TANC2: variants seen among roughly 807,000 people sequenced by gnomAD.
TANC2 encodes protein TANC2.
TANC2 carries 26 observed loss-of-function variants against 210.5 expected under a neutral mutation model. The observed-to-expected ratio is 0.12, with a 90% CI of 0.09 to 0.17. TANC2 has a LOEUF of 0.17. Among genes scored for constraint, TANC2 ranks in the 10% least tolerant of loss-of-function variants. TANC2 has a pLI of 1.00. For synonymous variants in TANC2, 931 were observed against 967.1 expected, an observed-to-expected ratio of 0.96 and a Z score of 0.69; for missense variants, 2,129 against 2,608.9, an observed-to-expected ratio of 0.82 and a Z score of 4.01.
exon 9 of TANC2, chr17:63,267,834 C>G (rs1268551911): frequency 6.2e-7 from 1 of 1,613,086 alleles, no homozygotes; most frequent in Admixed American, 1.7e-5. Flanking sequence ...AATGCCAAGA[C>G]AGAGCATGGG....
In TANC2 at chr17:63,358,376, A is replaced by AGAGT. The variant is rs1470682571; in HGVS notation, c.2582+2987_2582+2988insAGTG. ...GTGAGAGAGAGAGAGAGAGAGAGAG[A>AGAGT]GTATGTGTGTGTGTGTGTGTGTGTG... On this transcript the variant is annotated intron_variant, in intron 14 of 27. Transcript: ENST00000689528. Among the ~76,000 whole-genome samples, 192 of 81,034 alleles carry AGAGT rather than the reference A, an allele frequency of 2.4e-3. 3 individuals carry two copies. The highest frequency in any genetic ancestry group is 6.8e-3 in the African/African-American group (185 of 27,174). 53.2% of individuals were successfully genotyped at this position (81,034 alleles called of 152,430 possible).
intron 2 of TANC2, among the ~76,000 whole-genome samples, chr17:63,017,811 A>G (rs560792288): frequency 6.6e-6 from 1 of 152,330 alleles, no homozygotes; most frequent in South Asian, 2.1e-4. Flanking sequence ...GTTTCTTATA[A>G]TTTATAGAGC....
chr17:63,116,950 A>T (rs1280050501), intron 4 of TANC2: 1 of 152,216 alleles, frequency 6.6e-6, no homozygotes, highest in African/African-American at 2.4e-5. Context: ...TTTACAGCGT[A>T]TATTCACACA....
intron 10 of TANC2, among the ~76,000 whole-genome samples, chr17:63,316,387 C>T (rs1016789437): frequency 3.3e-5 from 5 of 152,044 alleles, no homozygotes; most frequent in African/African-American, 7.2e-5. Context: ...ATCCCAAGGA[C>T]GAGAAGAGTT....
chr17:63,326,304 T>A (rs2045641713), intron 11 of TANC2, among the ~76,000 whole-genome samples: 1 of 152,206 alleles, frequency 6.6e-6, no homozygotes, highest in Non-Finnish European at 1.5e-5. Flanking sequence ...TTTAATTAAA[T>A]GGGCTGAGAC....
chr17:63,183,627 T>C (rs974994123), intron 5 of TANC2, among the ~76,000 whole-genome samples: 1 of 152,194 alleles, frequency 6.6e-6, no homozygotes, highest in African/African-American at 2.4e-5. Context: ...CATACATGCA[T>C]GTGAGAAATC....
At chr17:63,310,542 A>C (rs1356384805) in intron 9 of TANC2, among the ~76,000 whole-genome samples, 1 of 152,236 alleles carries the variant, frequency 6.6e-6, no homozygotes, top group Admixed American at 6.5e-5. Flanking sequence ...TATGAAAGGC[A>C]AAAGATTAAT....
At chr17:63,414,168 G>C (rs1186626502) in intron 25 of TANC2, 1 of 152,164 alleles carries the variant, frequency 6.6e-6, no homozygotes, top group African/African-American at 2.4e-5. Context: ...CAAGCTGAAG[G>C]CTCCATACCC....
chr17:63,400,654 T>G (rs190200329), intron 19 of TANC2, among the ~76,000 whole-genome samples: 2 of 151,912 alleles, frequency 1.3e-5, no homozygotes, highest in East Asian at 3.9e-4. Context: ...TTTTTTTTCT[T>G]TTTTTTTGAG....
intron 9 of TANC2, among the ~76,000 whole-genome samples, chr17:63,281,071 A>G (rs905974267): frequency 3.7e-4 from 56 of 152,140 alleles, no homozygotes; most frequent in African/African-American, 1.2e-3. Flanking sequence ...AATTATGAAC[A>G]AAATACAAAA....
At chr17:63,196,948 T>C (rs1454351069) in intron 6 of TANC2, among the ~76,000 whole-genome samples, 1 of 152,200 alleles carries the variant, frequency 6.6e-6, no homozygotes, top group African/African-American at 2.4e-5. Context: ...TCTGCTTTTA[T>C]AATCTATGCT....
intron 14 of TANC2, among the ~76,000 whole-genome samples, chr17:63,369,908 G>C (rs184610892): frequency 1.1e-3 from 174 of 151,402 alleles, no homozygotes; most frequent in Non-Finnish European, 1.9e-3. Context: ...TGGCCTAATT[G>C]CAGTTTTTAA....
chr17:63,198,568 C>A lies in TANC2; in HGVS notation c.583-2203C>A, dbSNP rs537491968. Reference sequence around the variant, plus strand: ...GACCTGAGTACAGTTCATCTACTCACATGTGTCTCAGACTGGGAGTGGGAG... The same window carrying A: ...GACCTGAGTACAGTTCATCTACTCAAATGTGTCTCAGACTGGGAGTGGGAG... On this transcript the variant is annotated intron_variant, in intron 6 of 27. Coordinates refer to ENST00000689528, the Ensembl canonical transcript of TANC2. 1.1e-4 allele frequency among the ~76,000 whole-genome samples: 17 copies of A among 152,288 alleles called. No homozygotes were observed. In the South Asian group the frequency reaches 3.5e-3, roughly 32 times the overall value.
intron 15 of TANC2, chr17:63,381,122 C>G (rs1258903248): frequency 1.3e-5 from 2 of 152,218 alleles, no homozygotes; most frequent in Non-Finnish European, 1.5e-5. Context: ...CCTGCCTTTG[C>G]TGCCCCATAA....
At chr17:63,181,357 G>A (rs2040777865) in intron 5 of TANC2, among the ~76,000 whole-genome samples, 1 of 152,198 alleles carries the variant, frequency 6.6e-6, no homozygotes, top group Non-Finnish European at 1.5e-5. Flanking sequence ...GAAGGTAGAT[G>A]AACCTGAGTG....
chr17:63,215,996 CTGCCTT>C (rs892611819), intron 7 of TANC2, among the ~76,000 whole-genome samples: 5 of 152,082 alleles, frequency 3.3e-5, no homozygotes, highest in African/African-American at 1.2e-4. Context: ...CATGATCTGC[CTGCCTT>C]GGCCTCCCAA....
At chr17:63,369,681 G>A (rs1289358949) in intron 14 of TANC2, among the ~76,000 whole-genome samples, 3 of 151,620 alleles carry the variant, frequency 2.0e-5, no homozygotes, top group East Asian at 1.9e-4. Context: ...AGCTTCCTGA[G>A]TAGCTGGGAT....
At chr17:63,260,218 T>TA (rs2043316428) in intron 8 of TANC2, among the ~76,000 whole-genome samples, 1 of 152,246 alleles carries the variant, frequency 6.6e-6, no homozygotes, top group East Asian at 1.9e-4. Flanking sequence ...TGAATCACTT[T>TA]AGACAAGTCA....
chr17:63,072,058 G>A (rs1450640341), intron 2 of TANC2, among the ~76,000 whole-genome samples: 1 of 152,164 alleles, frequency 6.6e-6, no homozygotes, highest in African/African-American at 2.4e-5. Flanking sequence ...CTGGCAGAGA[G>A]TACATAGTAA....
Sources: gnomAD v4.1 joint callset for allele counts (sites outside exome capture counted in the v4.1 genomes callset) on GRCh38, gnomAD v4.1.1 for gene constraint, MANE v1.5 for transcripts, NCBI Gene and HGNC (gene_info 2026-07-23, HGNC 2026-07-21) for gene names.